The following SLC6A5 variants were observed in gnomAD, a reference collection of about 807,000 sequenced individuals.
The protein encoded by SLC6A5 is sodium- and chloride-dependent glycine transporter 2.
In SLC6A5, 58 loss-of-function variants were observed where a neutral mutation model predicts 90.5. The observed-to-expected ratio is 0.64, with a 90% CI of 0.52 to 0.80. The LOEUF (loss-of-function observed/expected upper bound fraction) is 0.80. Ranked by LOEUF, SLC6A5 falls within the 30% of genes least tolerant of loss-of-function variation. The pLI is 0.00. For missense variants in SLC6A5, 1,015 were observed against 1,017.6 expected (o/e 1.00, Z 0.03); for synonymous variants, 427 against 401.4 (o/e 1.06, Z -0.76).
chr11:20,601,535 G>A lies in SLC6A5; in HGVS notation c.410G>A (p.Gly137Asp), dbSNP rs1384819173. 5 of 1,614,024 alleles carry A rather than the reference G, an allele frequency of 3.1e-6. No individual in the cohort carries two copies. In the African/African-American group the frequency reaches 5.3e-5, roughly 17 times the overall value. The change falls in exon 2 of 16, where the codon GGC becomes GAC. Residue 137 changes from glycine to aspartate, a missense_variant. By Grantham distance (94) the Gly-to-Asp change is moderately conservative. Transcript: ENST00000525748. ...GPEGDANVSV[G>D]KGTLERNNTP... is the part of the protein sequence containing the mutation. ...GAGGGGGATGCGAACGTGAGTGTGG[G>A]CAAGGGCACCCTGGAGCGGAACAAT...
At chr11:20,612,519 A>T (rs1258771364) in intron 5 of SLC6A5, among the ~76,000 whole-genome samples, 1 of 152,094 alleles carries the variant, frequency 6.6e-6, no homozygotes, top group Non-Finnish European at 1.5e-5. Context: ...GCTTCTTAAA[A>T]TTATTTATTT....
At chr11:20,646,169 G>A (rs1196887781) in intron 13 of SLC6A5, among the ~76,000 whole-genome samples, 2 of 152,208 alleles carry the variant, frequency 1.3e-5, no homozygotes, top group African/African-American at 4.8e-5. Context: ...CCAAGAGGGT[G>A]CAGGGATGGC....
intron 13 of SLC6A5, among the ~76,000 whole-genome samples, chr11:20,640,548 C>T (rs931065544): frequency 1.3e-5 from 2 of 152,090 alleles, no homozygotes; most frequent in Admixed American, 6.5e-5. Flanking sequence ...TTGGGCTTGC[C>T]TCCAGAATCA....
chr11:20,600,324 AAAGAAGAAGAGGAAGAAG>A lies in SLC6A5; in HGVS notation c.3+660_3+677del, dbSNP rs1279519052. On this transcript the variant is annotated intron_variant, in intron 1 of 15. Transcript: ENST00000525748. ...AGACTCCTGTGAATAGTTACGCAAAAAAGAAGAAGAGGAAGAAGAAGAAGAAGAAGAAGAAGAAGAAGA... is the reference window on the plus strand; with the variant it reads ...AGACTCCTGTGAATAGTTACGCAAAAAAGAAGAAGAAGAAGAAGAAGAAGA... Among the ~76,000 whole-genome samples the A allele has an allele frequency of 7.1e-3, 882 of 124,760 alleles. 5 individuals are homozygous for A. Among genetic ancestry groups the A allele is most frequent in the Admixed American group, 0.02 (246 of 12,092 alleles). 81.8% of individuals were successfully genotyped at this position (124,760 alleles called of 152,430 possible).
chr11:20,656,311 G>T lies in SLC6A5; in HGVS notation c.*1443G>T, dbSNP rs1853636619. On this transcript the variant is annotated 3_prime_UTR_variant, in exon 16 of 16. Coordinates refer to ENST00000525748, the MANE Select transcript of SLC6A5 (RefSeq NM_004211.5). ...GTGAGTTTAGTATAGTGTAGTCTGG[G>T]GATTTTATTTTCCCTTACAGTAATA... 1 of 151,988 alleles carries T rather than the reference G, an allele frequency of 6.6e-6. No homozygotes were observed. The highest frequency in any genetic ancestry group is 6.6e-5 in the Admixed American group (1 of 15,262). 9.4% of individuals were successfully genotyped at this position (151,988 alleles called of 1,614,324 possible). A position where few individuals can be genotyped will look rare whatever the true frequency, so the allele number is the denominator to read the frequency against.
At chr11:20,623,798 C>G (rs1311327850) in intron 7 of SLC6A5, among the ~76,000 whole-genome samples, 1 of 152,138 alleles carries the variant, frequency 6.6e-6, no homozygotes, top group Non-Finnish European at 1.5e-5. Context: ...CTGAAATGTT[C>G]TCCCAGACAT....
At chr11:20,647,065 G>A in intron 14 of SLC6A5, 131 bp downstream of exon 14, 1 of 732,166 alleles carries the variant, frequency 1.4e-6, no homozygotes, top group South Asian at 1.5e-5. Flanking sequence ...TTGGGTGGTG[G>A]TCTTGTCTTT....
chr11:20,629,177 C>T (rs1276772828), intron 9 of SLC6A5: 1 of 152,072 alleles, frequency 6.6e-6, no homozygotes, highest in Non-Finnish European at 1.5e-5. Flanking sequence ...ACTGGGAAAC[C>T]CTGGCTATCT....
intron 6 of SLC6A5, among the ~76,000 whole-genome samples, chr11:20,616,369 T>C (rs959993277): frequency 6.6e-6 from 1 of 152,222 alleles, no homozygotes; most frequent in African/African-American, 2.4e-5. Flanking sequence ...CAAATCATTT[T>C]CCAGTACACT....
At chr11:20,653,068 C>T (rs1343200011) in intron 15 of SLC6A5, among the ~76,000 whole-genome samples, 1 of 152,186 alleles carries the variant, frequency 6.6e-6, no homozygotes. Context: ...TCCCCACTGT[C>T]ACTCCTGAGT....
At chr11:20,600,043 T>C (rs1852428614) in intron 1 of SLC6A5, among the ~76,000 whole-genome samples, 1 of 152,096 alleles carries the variant, frequency 6.6e-6, no homozygotes, top group Non-Finnish European at 1.5e-5. Flanking sequence ...CGAGGAGTTC[T>C]ATTCTGCGTG....
chr11:20,637,876 C>T (rs1216735515), intron 12 of SLC6A5, among the ~76,000 whole-genome samples: 1 of 152,152 alleles, frequency 6.6e-6, no homozygotes, highest in Non-Finnish European at 1.5e-5. Flanking sequence ...ATTGTGTTAG[C>T]TTACTCAGTA....
chr11:20,640,478 T>C (rs775974458), intron 13 of SLC6A5, among the ~76,000 whole-genome samples: 2 of 152,178 alleles, frequency 1.3e-5, no homozygotes, highest in Middle Eastern at 3.2e-3. Flanking sequence ...CCCTGGGCTA[T>C]GTTAATTTTC....
intron 3 of SLC6A5, among the ~76,000 whole-genome samples, chr11:20,605,800 G>A (rs936735645): frequency 1.3e-5 from 2 of 152,254 alleles, no homozygotes; most frequent in Admixed American, 6.5e-5. Flanking sequence ...TCAGCCCTCA[G>A]TGCGGGGTGG....
Position 20,601,623 on chromosome 11 carries a change from C to A in SLC6A5, c.498C>A (p.Ile166=). Residue 166 remains isoleucine (I), a synonymous_variant, in exon 2 of 16, where the codon ATC becomes ATA. Transcript: ENST00000525748. ...QSTVVLATDG[I]TSVLPGSVAT... ...CCGTGGTGCTGGCCACGGATGGAAT[C>A]ACGTCCGTGCTCCCGGGCAGCGTGG... The A allele has an allele frequency of 6.2e-7, 1 of 1,614,062 alleles. No homozygotes were observed. The highest frequency in any genetic ancestry group is 8.5e-7 in the Non-Finnish European group (1 of 1,179,954).
chr11:20,604,515 G>A (rs1852541041), intron 3 of SLC6A5, 91 bp downstream of exon 3: 14 of 1,519,542 alleles, frequency 9.2e-6, no homozygotes, highest in African/African-American at 1.4e-5. Flanking sequence ...GGGCCGCCGG[G>A]CGGGGAGGCT....
chr11:20,630,482 C>G (rs192410138), intron 9 of SLC6A5, among the ~76,000 whole-genome samples: 1 of 152,152 alleles, frequency 6.6e-6, no homozygotes, highest in African/African-American at 2.4e-5. Context: ...GCCCACAGGC[C>G]CTGAATCAGG....
intron 14 of SLC6A5, among the ~76,000 whole-genome samples, chr11:20,650,768 G>A (rs1018957190): frequency 1.3e-4 from 19 of 142,176 alleles, no homozygotes; most frequent in Non-Finnish European, 1.9e-4. Flanking sequence ...CCGGGTTCAC[G>A]CCATTCTCCT....
At chr11:20,599,772 T>C in intron 1 of SLC6A5, 97 bp downstream of exon 1, 1 of 1,427,008 alleles carries the variant, frequency 7.0e-7, no homozygotes, top group Non-Finnish European at 9.9e-7. Context: ...TGTCTGTGCA[T>C]TGGGTGGGGG....
Sources: allele counts gnomAD v4.1 joint callset (sites outside exome capture counted in the v4.1 genomes callset), GRCh38; gene constraint gnomAD v4.1.1; transcripts MANE v1.5; gene names NCBI Gene and HGNC (gene_info 2026-07-23, HGNC 2026-07-21).